Variants in POLQ observed in about 807,000 individuals in gnomAD.
POLQ encodes the protein epididymis secretory sperm binding protein.
Under a neutral mutation model 259.2 loss-of-function variants are expected in POLQ, and 233 were observed. The ratio of observed to expected loss-of-function variants is 0.90; its 90% CI spans 0.81 to 1.00. POLQ has a LOEUF of 1.00. POLQ is among the 50% of genes least tolerant of loss of function. The pLI, the probability that POLQ is intolerant of heterozygous loss-of-function variation, is 0.00. For missense variants in POLQ, 2,871 were observed against 3,051.6 expected, an observed-to-expected ratio of 0.94 and a Z score of 1.39; for synonymous variants, 1,025 against 1,048.8, an observed-to-expected ratio of 0.98 and a Z score of 0.44.
intron 19 of POLQ, among the ~76,000 whole-genome samples, chr3:121,478,061 C>G (rs929965794): frequency 5.3e-5 from 8 of 152,032 alleles, no homozygotes; most frequent in Non-Finnish European, 1.0e-4. Flanking sequence ...GCATCCATAG[C>G]CATTAGGAAG....
chr3:121,434,779 A>C (rs1185985058), intron 28 of POLQ, among the ~76,000 whole-genome samples: 1 of 152,152 alleles, frequency 6.6e-6, no homozygotes, highest in Non-Finnish European at 1.5e-5. Flanking sequence ...ATAACTAATC[A>C]TGACCTTTCT....
chr3:121,442,381 A>G (rs1488568586), intron 26 of POLQ, among the ~76,000 whole-genome samples: 1 of 152,192 alleles, frequency 6.6e-6, no homozygotes, highest in Non-Finnish European at 1.5e-5. Flanking sequence ...GCTAGCAAAT[A>G]CTAGTTCTTA....
intron 14 of POLQ, chr3:121,494,282 C>T (rs2048096099): frequency 3.8e-6 from 6 of 1,595,588 alleles, no homozygotes; most frequent in East Asian, 4.5e-5. Flanking sequence ...GAAACGGCCC[C>T]GCTATATCAG....
intron 14 of POLQ, among the ~76,000 whole-genome samples, chr3:121,496,176 A>G (rs1396570155): frequency 8.1e-6 from 1 of 123,630 alleles, no homozygotes; most frequent in African/African-American, 3.3e-5. Flanking sequence ...TGGATTAATC[A>G]GTACCTTTTT....
rs371941070 is a variant in POLQ at position 121,496,830 on chromosome 3, T to C, written c.2256A>G (p.Gln752=). The change falls in exon 14 of 30, where the codon CAA becomes CAG. Residue 752 remains glutamine (Q), a synonymous_variant. Transcript: ENST00000264233. ...GACCTGCATAAACAGCAGCTGACTGTTGCAAAGATTGAATCTGCCCACGAT... is the reference window on the plus strand; with the variant it reads ...GACCTGCATAAACAGCAGCTGACTGCTGCAAAGATTGAATCTGCCCACGAT... ...GCNRGQIQSL[Q]QSAAVYAGMI... is the part of the protein sequence containing the mutation. 1.1e-4 allele frequency: 171 copies of C among 1,613,390 alleles called. No individual in the cohort carries two copies. The highest frequency in any genetic ancestry group is 1.4e-4 in the Non-Finnish European group (166 of 1,179,896).
At chr3:121,437,816 A>C (rs78593942) in intron 27 of POLQ, among the ~76,000 whole-genome samples, 1 of 152,250 alleles carries the variant, frequency 6.6e-6, no homozygotes. Context: ...TGGTATATTT[A>C]TATAAGAGTA....
chr3:121,477,126 C>T (rs1259166002), intron 19 of POLQ, among the ~76,000 whole-genome samples: 24 of 152,282 alleles, frequency 1.6e-4, no homozygotes, highest in Admixed American at 1.4e-3. Flanking sequence ...AATTAGGACA[C>T]TCCATACCTG....
At chr3:121,497,527 C>T (rs1270928018) in intron 13 of POLQ, among the ~76,000 whole-genome samples, 1 of 152,146 alleles carries the variant, frequency 6.6e-6, no homozygotes, top group African/African-American at 2.4e-5. Context: ...ACCTCCATCT[C>T]CTGGGTTCAA....
Position 121,545,826 on chromosome 3 carries a change from C to G in POLQ, c.52G>C (p.Asp18His). The part of the protein sequence containing the change: ...GKRRRSESGS[D>H]SFSGSGGDSS... ...TCACCGCCGCTTCCCGAGAACGAAT[C>G]TGAGCCTGATTCTGAACGCCGCCGT... Residue 18 changes from aspartate (D) to histidine (H), a missense_variant, in exon 1 of 30, where the codon GAT becomes CAT. Asp to His is a moderately conservative substitution (Grantham distance 81, BLOSUM62 -1). Transcript: ENST00000264233. The G allele has an allele frequency of 1.9e-6, 3 of 1,613,978 alleles. No individual in the cohort carries two copies. Among genetic ancestry groups the G allele is most frequent in the Non-Finnish European group, 2.5e-6 (3 of 1,179,982 alleles).
chr3:121,488,629 T>G lies in POLQ; in HGVS notation c.4302A>C (p.Glu1434Asp). Residue 1434 changes from glutamate (E) to aspartate (D), a missense_variant, in exon 16 of 30, where the codon GAA (glutamate) becomes GAC (aspartate). Around this residue, in one of 3 missense-constraint regions of POLQ, gnomAD observed 2,080 missense variants for 2,126.0 expected, o/e 0.98. Transcript: ENST00000264233. ...TTAATTGTGAATCAGTAACAGAAAC[T>G]TCATTCTTTTTTAAAAAAAGACCAT... The part of the protein sequence containing the change: ...EENGLFLKKN[E>D]VSVTDSQLNS... 1 of 1,602,216 alleles carries G rather than the reference T, an allele frequency of 6.2e-7. No homozygotes were observed. Among genetic ancestry groups the G allele is most frequent in the African/African-American group, 1.3e-5 (1 of 74,110 alleles).
chr3:121,494,507 C>T (rs898948811), intron 14 of POLQ: 11 of 1,539,224 alleles, frequency 7.1e-6, no homozygotes, highest in Non-Finnish European at 5.3e-6. Context: ...CAAGAGACCA[C>T]CTGTCCTTCG....
At chr3:121,461,930 AC>A (rs1208319598) in intron 24 of POLQ, among the ~76,000 whole-genome samples, 3 of 152,136 alleles carry the variant, frequency 2.0e-5, no homozygotes, top group Admixed American at 6.5e-5. Context: ...TTAATGAATA[AC>A]CTATTCAAAA....
Position 121,485,124 on chromosome 3 carries a change from T to C in POLQ, c.5690A>G (p.Asp1897Gly), listed in dbSNP as rs2048001363. Reference sequence around the variant, plus strand: ...TACTGCCAGTCCAACCACCAAGGTGTCATCACAACCTTTAATGGGAAATCC... The same window carrying C: ...TACTGCCAGTCCAACCACCAAGGTGCCATCACAACCTTTAATGGGAAATCC... ...DDGFPIKGCD[D>G]TLVVGLAVCW... Residue 1897 changes from aspartate (D) to glycine (G), a missense_variant, in exon 17 of 30, where the codon GAC becomes GGC. This residue lies in a region of POLQ where 2,080 missense variants were observed against 2,126.0 expected (regional missense o/e 0.98). Transcript: ENST00000264233. 3.7e-6 allele frequency: 6 copies of C among 1,610,374 alleles called. No individual in the cohort carries two copies. Among genetic ancestry groups the C allele is most frequent in the Non-Finnish European group, 5.1e-6 (6 of 1,176,988 alleles).
intron 7 of POLQ, among the ~76,000 whole-genome samples, chr3:121,525,209 T>C (rs982237042): frequency 3.3e-5 from 5 of 151,666 alleles, no homozygotes; most frequent in Non-Finnish European, 2.9e-5. Context: ...GGCGTGGTGG[T>C]GGGCACCTGT....
chr3:121,491,150 C>G (rs2048065304), intron 15 of POLQ, among the ~76,000 whole-genome samples: 1 of 151,886 alleles, frequency 6.6e-6, no homozygotes, highest in South Asian at 2.1e-4. Flanking sequence ...GTCAGGAGTT[C>G]AAGACCAGCC....
intron 17 of POLQ, among the ~76,000 whole-genome samples, chr3:121,484,168 C>G (rs1315271406): frequency 3.2e-4 from 48 of 152,088 alleles, no homozygotes; most frequent in Admixed American, 3.1e-3. Flanking sequence ...TACTAAGGAA[C>G]AGACACTATA....
chr3:121,468,238 T>A, intron 23 of POLQ, 67 bp downstream of exon 23: 4 of 1,223,092 alleles, frequency 3.3e-6, no homozygotes, highest in Non-Finnish European at 4.6e-6. Context: ...ATTTGTCTAA[T>A]AAGCTATTTT....
chr3:121,517,161 A>T (rs570596804), intron 9 of POLQ, among the ~76,000 whole-genome samples: 1 of 152,284 alleles, frequency 6.6e-6, no homozygotes, highest in African/African-American at 2.4e-5. Context: ...ATGGACTTAT[A>T]CTCCATTCCC....
At chr3:121,434,181 T>C (rs1474317212) in intron 28 of POLQ, among the ~76,000 whole-genome samples, 2 of 152,238 alleles carry the variant, frequency 1.3e-5, no homozygotes, top group South Asian at 2.1e-4. Context: ...TAGAATGCCA[T>C]GATGCTCTTG....
Sources: gnomAD v4.1 joint callset for allele counts (sites outside exome capture counted in the v4.1 genomes callset) on GRCh38, gnomAD v4.1.1 for gene constraint, gnomAD v4.1.1 regional missense constraint, MANE v1.5 for transcripts, NCBI Gene and HGNC (gene_info 2026-07-23, HGNC 2026-07-21) for gene names.